TRUB2: variants seen among roughly 807,000 people sequenced by gnomAD.
TRUB2 encodes TruB pseudouridine synthase family member 2.
Under a neutral mutation model 31.9 loss-of-function variants are expected in TRUB2, and 31 were observed. That is an observed-to-expected ratio of 0.97 (90% CI 0.73 to 1.31). The LOEUF (loss-of-function observed/expected upper bound fraction) is 1.31. TRUB2 is among the 50% of genes most tolerant of loss of function. TRUB2 has a pLI of 0.00. For synonymous variants in TRUB2, 201 were observed against 182.6 expected (o/e 1.10, Z -0.81); for missense variants, 451 against 439.6 (o/e 1.03, Z -0.23).
chr9:128,313,029 A>G (rs1289290227), intron 5 of TRUB2, among the ~76,000 whole-genome samples: 1 of 151,586 alleles, frequency 6.6e-6, no homozygotes, highest in Non-Finnish European at 1.5e-5. Flanking sequence ...CAGACTGGCC[A>G]ACAGGGTGAA....
At chr9:128,320,002 G>A (rs1474856459) in intron 2 of TRUB2, among the ~76,000 whole-genome samples, 93 of 151,674 alleles carry the variant, frequency 6.1e-4, no homozygotes, top group African/African-American at 2.2e-3. Flanking sequence ...TGCAAGCTCC[G>A]CCTCCTGGGT....
chr9:128,319,979 G>C (rs1023868662), intron 2 of TRUB2, among the ~76,000 whole-genome samples: 30 of 148,020 alleles, frequency 2.0e-4, no homozygotes, highest in African/African-American at 6.5e-4. Flanking sequence ...GCAGTGGCAC[G>C]ATCTCCGCTC....
rs762721631 is a variant in TRUB2, at chr9:128,317,199, T to C, written c.269A>G (p.Lys90Arg). Residue 90 changes from lysine to arginine, a missense_variant, in exon 3 of 8, where the codon AAG becomes AGG. Lys to Arg is a conservative substitution (Grantham distance 26). Transcript: ENST00000372890. ...ATCCAACCGATGTCCCACGCCAACC[T>C]TGAGATGGGCGAATGCTGGTCCACA... ...LVCGPAFAHLKVGVGHRLDAQ... is the reference protein window; with the variant it reads ...LVCGPAFAHLRVGVGHRLDAQ... The C allele has an allele frequency of 3.1e-6, 5 of 1,595,404 alleles. No individual in the cohort carries two copies. Among genetic ancestry groups the C allele is most frequent in the Non-Finnish European group, 4.3e-6 (5 of 1,169,532 alleles).
intron 3 of TRUB2, 114 bp from the exon 4 acceptor site, chr9:128,315,742 A>C (rs1254917319): frequency 8.1e-7 from 1 of 1,227,848 alleles, no homozygotes; most frequent in African/African-American, 1.5e-5. Flanking sequence ...GCCAAAGGCA[A>C]CAAGAAGGCA....
In TRUB2 at chr9:128,310,906, T is replaced by G; in HGVS notation, c.651A>C (p.Ala217=). 1 of 1,614,122 alleles carries G rather than the reference T, an allele frequency of 6.2e-7. No individual in the cohort carries two copies. The highest frequency in any genetic ancestry group is 8.5e-7 in the Non-Finnish European group (1 of 1,179,998). Residue 217 remains alanine, a synonymous_variant, in exon 7 of 8, where the codon GCA becomes GCC. Transcript: ENST00000372890. ...ACCTACCTAAGAGGAATTCCGGAGG[T>G]GCAAAGTAGAGGCATCGGATGCCAG... ...LITGIRCLYF[A]PPEFLLEVQC...
chr9:128,309,290 T>C lies in TRUB2; in HGVS notation c.*260A>G. The C allele has an allele frequency of 2.1e-6, 1 of 466,732 alleles. No individual in the cohort carries two copies. Among genetic ancestry groups the C allele is most frequent in the East Asian group, 3.7e-5 (1 of 27,272 alleles). 28.9% of individuals were successfully genotyped at this position (466,732 alleles called of 1,614,324 possible). A position where few individuals can be genotyped will look rare whatever the true frequency, so the allele number is the denominator to read the frequency against. On this transcript the variant is annotated 3_prime_UTR_variant, in exon 8 of 8. Transcript: ENST00000372890. ...AATTCTCCTGCCTCAGCCTTGGGAGTAGCTGGGATTACAAGTGCCCGCCAC... is the reference window on the plus strand; with the variant it reads ...AATTCTCCTGCCTCAGCCTTGGGAGCAGCTGGGATTACAAGTGCCCGCCAC...
intron 5 of TRUB2, among the ~76,000 whole-genome samples, chr9:128,313,263 A>C (rs1192815908): frequency 2.2e-5 from 3 of 136,832 alleles, no homozygotes; most frequent in Non-Finnish European, 4.8e-5. Context: ...GCGGTGGCTC[A>C]TGCCTGTAAT....
Position 128,317,221 on chromosome 9 carries a change from C to T in TRUB2, c.247G>A (p.Gly83Arg). 1 of 1,592,944 alleles carries T rather than the reference C, an allele frequency of 6.3e-7. No individual in the cohort carries two copies. Among genetic ancestry groups the T allele is most frequent in the Non-Finnish European group, 8.6e-7 (1 of 1,168,066 alleles). Residue 83 changes from glycine to arginine, a missense_variant, in exon 3 of 8, where the codon GGA becomes AGA. By Grantham distance (125) the Gly-to-Arg change is moderately radical (BLOSUM62 -2). Coordinates refer to ENST00000372890, the MANE Select transcript of TRUB2 (RefSeq NM_015679.3). ...PSFINHPLVC[G>R]PAFAHLKVGV... is the part of the protein sequence containing the mutation. ...ACCTTGAGATGGGCGAATGCTGGTC[C>T]ACATACTGGAAAGAAACAAACAAGG...
At position 128,311,555 on chromosome 9, in the gene TRUB2, T is replaced by C. The variant is rs750217150; in HGVS notation, c.507A>G (p.Gln169=). 1.9e-6 allele frequency: 3 copies of C among 1,614,098 alleles called. No homozygotes were observed. Among genetic ancestry groups the C allele is most frequent in the South Asian group, 1.1e-5 (1 of 91,086 alleles). ...EKLDRILAVI[Q]GSHQKALVMY... Reference sequence around the variant, plus strand: ...TCACCAGGGCCTTCTGATGGGAGCCTTGGATAACGGCCAGAATGCGGTCCA... The same window carrying C: ...TCACCAGGGCCTTCTGATGGGAGCCCTGGATAACGGCCAGAATGCGGTCCA... The change falls in exon 6 of 8, where the codon CAA becomes CAG. Residue 169 remains glutamine (Q), a synonymous_variant. Coordinates refer to ENST00000372890, the MANE Select transcript of TRUB2 (RefSeq NM_015679.3).
chr9:128,321,780 A>C, intron 1 of TRUB2, 50 bp from the exon 2 acceptor site: 1 of 1,525,318 alleles, frequency 6.6e-7, no homozygotes. Context: ...ATATATGTAC[A>C]TATAAAATAT....
At chr9:128,311,622 T>G in intron 5 of TRUB2, 21 bp from the exon 6 acceptor site, 1 of 1,613,640 alleles carries the variant, frequency 6.2e-7, no homozygotes, top group Non-Finnish European at 8.5e-7. Flanking sequence ...CAGGGGGTTG[T>G]CAATGTACAG....
chr9:128,305,859 T>G lies in TRUB2; in HGVS notation c.*3691A>C, dbSNP rs1831856378. ...CACACACCAACACCCCCGGCTTTTT[T>G]GTTTGTTTGTTTGTTTTTTGTAGAG... is the stretch of plus-strand genomic sequence containing the variant. On this transcript the variant is annotated 3_prime_UTR_variant, in exon 8 of 8. Coordinates refer to ENST00000372890, the MANE Select transcript of TRUB2 (RefSeq NM_015679.3). The G allele has an allele frequency of 6.6e-6, 1 of 151,600 alleles. No individual in the cohort carries two copies. Among genetic ancestry groups the G allele is most frequent in the Admixed American group, 6.6e-5 (1 of 15,234 alleles). The allele number at this position is 151,600 out of a possible 1,614,324, so 9.4% of individuals were successfully genotyped here.
At chr9:128,321,794 T>C (rs1449414006) in intron 1 of TRUB2, 64 bp from the exon 2 acceptor site, 5 of 1,510,426 alleles carry the variant, frequency 3.3e-6, no homozygotes, top group Non-Finnish European at 4.5e-6. Context: ...AAAATATTTT[T>C]TAAGAGACAG....
At position 128,309,178 on chromosome 9, in the gene TRUB2, G is replaced by A. The variant is rs1379131196; in HGVS notation, c.*372C>T. ...ATTTTTTTTTTTTTGAGATGGCAGG[G>A]GTCTCATATGTTCCCCAGACTAGAG... On this transcript the variant is annotated 3_prime_UTR_variant, in exon 8 of 8. Transcript: ENST00000372890. 2.6e-5 allele frequency: 5 copies of A among 189,232 alleles called. No homozygotes were observed. Among genetic ancestry groups the A allele is most frequent in the African/African-American group, 1.2e-4 (5 of 42,522 alleles). 11.7% of individuals were successfully genotyped at this position (189,232 alleles called of 1,614,324 possible).
Position 128,322,298 on chromosome 9 carries a change from AC to A in TRUB2, c.109+1del. ...AACGTGGGTCTGGTTCGAGGCACTCACCCTTCAGAAGTTGTAGCTCCACTGT... is the reference window on the plus strand; with the variant it reads ...AACGTGGGTCTGGTTCGAGGCACTCACCTTCAGAAGTTGTAGCTCCACTGT... On this transcript the variant is annotated splice_donor_variant, in intron 1 of 7. Transcript: ENST00000372890. LOFTEE classifies it high-confidence loss of function. 6.2e-7 allele frequency: 1 copy of A among 1,613,050 alleles called. No individual in the cohort carries two copies. The highest frequency in any genetic ancestry group is 8.5e-7 in the Non-Finnish European group (1 of 1,179,068).
rs1588523670 is a variant in TRUB2, at chr9:128,313,812, G to A, written c.456C>T (p.Thr152=). The change falls in exon 5 of 8, where the codon ACC becomes ACT. Residue 152 remains threonine (T), a synonymous_variant. Coordinates refer to ENST00000372890, the MANE Select transcript of TRUB2 (RefSeq NM_015679.3). ...REDGRLVEKT[T]YDHVTREKLD... Reference sequence around the variant, plus strand: ...GCAGCCACTTCCGGTTCTCACCATAGGTTGTCTTCTCTACCAGCCTCCCGT... The same window carrying A: ...GCAGCCACTTCCGGTTCTCACCATAAGTTGTCTTCTCTACCAGCCTCCCGT... 6 of 1,614,042 alleles carry A rather than the reference G, an allele frequency of 3.7e-6. No homozygotes were observed. In the East Asian group the frequency reaches 1.3e-4, roughly 36 times the overall value.
rs1831849737 is a variant in TRUB2 at position 128,305,393 on chromosome 9, GTTTT to G, written c.*4153_*4156del. The stretch of plus-strand genomic sequence containing the variant: ...TTGCTGGTGGGGTTTTTGTTTGTTT[GTTTT>G]GAGATAGGGTCTCACCCTGTCACCC... On this transcript the variant is annotated 3_prime_UTR_variant, in exon 8 of 8. Transcript: ENST00000372890. 1 of 152,256 alleles carries G rather than the reference GTTTT, an allele frequency of 6.6e-6. No homozygotes were observed. The highest frequency in any genetic ancestry group is 1.5e-5 in the Non-Finnish European group (1 of 68,170). 9.4% of individuals were successfully genotyped at this position (152,256 alleles called of 1,614,324 possible). A position where few individuals can be genotyped will look rare whatever the true frequency, so the allele number is the denominator to read the frequency against.
rs1012475458 is a variant in TRUB2 at position 128,308,247 on chromosome 9, A to G, written c.*1303T>C. The stretch of plus-strand genomic sequence containing the variant: ...TCCGTCTCAGAAAAAAAAAAAACCA[A>G]AACAGGCCGGGTGTGGTGGCTCACG... On this transcript the variant is annotated 3_prime_UTR_variant, in exon 8 of 8. Transcript: ENST00000372890. The G allele has an allele frequency of 2.0e-5, 3 of 151,522 alleles. No homozygotes were observed. The highest frequency in any genetic ancestry group is 7.3e-5 in the African/African-American group (3 of 41,212). The allele number at this position is 151,522 out of a possible 1,614,324, so 9.4% of individuals were successfully genotyped here. A position where few individuals can be genotyped will look rare whatever the true frequency, so the allele number is the denominator to read the frequency against.
In TRUB2 at chr9:128,317,240, A is replaced by C; in HGVS notation, c.242-14T>G. 6.3e-7 allele frequency: 1 copy of C among 1,586,498 alleles called. No homozygotes were observed. The highest frequency in any genetic ancestry group is 1.3e-5 in the African/African-American group (1 of 74,544). ...CTGGTCCACATACTGGAAAGAAACAAACAAGGTCCATTTTCTCAACTAAAT... is the reference window on the plus strand; with the variant it reads ...CTGGTCCACATACTGGAAAGAAACACACAAGGTCCATTTTCTCAACTAAAT... On this transcript the variant is annotated splice_polypyrimidine_tract_variant and intron_variant, in intron 2 of 7. Coordinates refer to ENST00000372890, the MANE Select transcript of TRUB2 (RefSeq NM_015679.3).
Sources: gnomAD v4.1 joint callset for allele counts (sites outside exome capture counted in the v4.1 genomes callset) on GRCh38, gnomAD v4.1.1 for gene constraint, MANE v1.5 for transcripts, NCBI Gene and HGNC (gene_info 2026-07-23, HGNC 2026-07-21) for gene names.